Variants in PCNX1 observed in about 807,000 individuals in gnomAD.
The protein encoded by PCNX1 is pecanex-like protein 1.
A neutral mutation model predicts 242.2 loss-of-function variants in PCNX1; 78 were observed. That is an observed-to-expected ratio of 0.32 (90% CI 0.27 to 0.39). PCNX1 has a LOEUF of 0.39. PCNX1 is among the 10% of genes least tolerant of loss of function. The pLI is 1.00. For missense variants in PCNX1, 2,581 were observed against 2,856.5 expected (o/e 0.90, Z 2.20); for synonymous variants, 1,024 against 1,032.9 (o/e 0.99, Z 0.17).
At chr14:71,025,872 AAAAC>A (rs1163001006) in intron 13 of PCNX1, among the ~76,000 whole-genome samples, 1 of 152,200 alleles carries the variant, frequency 6.6e-6, no homozygotes, top group Non-Finnish European at 1.5e-5. Flanking sequence ...CTGTCTCAAA[AAAAC>A]AAACAAACAA....
intron 1 of PCNX1, among the ~76,000 whole-genome samples, chr14:70,910,027 T>C: frequency 8.4e-5 from 1 of 11,952 alleles, no homozygotes. Flanking sequence ...AGACGACGAC[T>C]CCTCCCTCCT....
intron 13 of PCNX1, among the ~76,000 whole-genome samples, chr14:71,024,332 G>A (rs1334447989): frequency 6.6e-6 from 1 of 152,038 alleles, no homozygotes; most frequent in Non-Finnish European, 1.5e-5. Context: ...TTTGCCCATT[G>A]TCTTCATTGG....
chr14:70,908,441 G>A (rs1315136761), intron 1 of PCNX1, among the ~76,000 whole-genome samples: 1 of 152,124 alleles, frequency 6.6e-6, no homozygotes, highest in Non-Finnish European at 1.5e-5. Flanking sequence ...CGCCCCCGCC[G>A]CGGCCCTCGT....
Position 71,045,148 on chromosome 14 carries a change from G to A in PCNX1, c.3883G>A (p.Val1295Met), listed in dbSNP as rs1372670851. The change falls in exon 20 of 36, where the codon GTG (valine) becomes ATG (methionine). Residue 1295 changes from valine to methionine, a missense_variant. Transcript: ENST00000304743. ...FTVLQPALKY[V>M]LYTLVGFVGF... is the part of the protein sequence containing the mutation. ...TTTTTTTTAGCCTGCCCTCAAGTAT[G>A]TGTTGTATACATTGGTTGGCTTTGT... 3 of 1,606,228 alleles carry A rather than the reference G, an allele frequency of 1.9e-6. No homozygotes were observed. The highest frequency in any genetic ancestry group is 1.7e-4 in the Middle Eastern group (1 of 6,018).
intron 6 of PCNX1, among the ~76,000 whole-genome samples, chr14:70,980,313 A>G (rs149533606): frequency 6.6e-6 from 1 of 151,736 alleles, no homozygotes; most frequent in Admixed American, 6.6e-5. Flanking sequence ...TTTAAGCTAT[A>G]TTAGCCCTTG....
At chr14:71,094,836 A>G (rs1406753799) in intron 30 of PCNX1, among the ~76,000 whole-genome samples, 1 of 152,130 alleles carries the variant, frequency 6.6e-6, no homozygotes, top group African/African-American at 2.4e-5. Flanking sequence ...GGAAGCTGAG[A>G]CGGGGGATCA....
rs766104535 is a variant in PCNX1, at chr14:70,995,926, G to T, written c.2629+1G>T. 1 of 1,610,388 alleles carries T rather than the reference G, an allele frequency of 6.2e-7. No homozygotes were observed. Among genetic ancestry groups the T allele is most frequent in the Admixed American group, 1.7e-5 (1 of 60,022 alleles). On this transcript the variant is annotated splice_donor_variant, in intron 8 of 35. Transcript: ENST00000304743. LOFTEE classifies it high-confidence loss of function. ...GGTAGCAGTTTGCACGATGAACTTG[G>T]TATGCAGGCCTTATGTAATCTTGAT...
chr14:70,987,817 A>C (rs1170139492), intron 6 of PCNX1, among the ~76,000 whole-genome samples: 2 of 152,220 alleles, frequency 1.3e-5, no homozygotes, highest in Admixed American at 6.5e-5. Flanking sequence ...TACAAACAAT[A>C]AAGTACAAAC....
chr14:70,945,115 T>G (rs1469226684), intron 1 of PCNX1, among the ~76,000 whole-genome samples: 1 of 152,086 alleles, frequency 6.6e-6, no homozygotes, highest in Non-Finnish European at 1.5e-5. Context: ...AATCAGGAGG[T>G]TGGTTCCCCT....
chr14:70,943,212 C>G (rs1355206379), intron 1 of PCNX1, among the ~76,000 whole-genome samples: 2 of 152,116 alleles, frequency 1.3e-5, no homozygotes, highest in Non-Finnish European at 2.9e-5. Context: ...GTGGAAGTGA[C>G]TTTGGAACTG....
intron 7 of PCNX1, among the ~76,000 whole-genome samples, chr14:70,990,201 T>C: frequency 6.6e-6 from 1 of 152,270 alleles, no homozygotes; most frequent in Middle Eastern, 3.4e-3. Context: ...TGTGCTGTGA[T>C]TCTGGGGGCT....
At chr14:71,052,116 G>T in intron 24 of PCNX1, 104 bp downstream of exon 24, 1 of 836,476 alleles carries the variant, frequency 1.2e-6, no homozygotes, top group East Asian at 3.0e-5. Context: ...TTATTGTGTT[G>T]AAATATTTAT....
intron 7 of PCNX1, among the ~76,000 whole-genome samples, chr14:70,993,160 G>C (rs1442082282): frequency 6.9e-6 from 1 of 144,792 alleles, no homozygotes; most frequent in Non-Finnish European, 1.5e-5. Context: ...TTGCTCTGTT[G>C]CCCAGGCTGG....
intron 26 of PCNX1, among the ~76,000 whole-genome samples, chr14:71,061,138 A>G (rs2061316234): frequency 6.6e-6 from 1 of 152,204 alleles, no homozygotes; most frequent in Non-Finnish European, 1.5e-5. Flanking sequence ...GGCCAAGTCA[A>G]TGCCAGGTTT....
At chr14:70,979,385 G>A (rs1182700098) in intron 6 of PCNX1, among the ~76,000 whole-genome samples, 2 of 152,028 alleles carry the variant, frequency 1.3e-5, no homozygotes, top group Admixed American at 1.3e-4. Flanking sequence ...AATTTGGATA[G>A]GTGATTTTAT....
rs567705318 is a variant in PCNX1, at chr14:71,107,192, C to T, written c.6302-1412C>T. 2.0e-4 allele frequency among the ~76,000 whole-genome samples: 30 copies of T among 152,004 alleles called. No homozygotes were observed. The South Asian group carries it at 5.4e-3, about 27-fold the overall frequency. The stretch of plus-strand genomic sequence containing the variant: ...CCCAACTGCCCCCCTGACTGCTTCA[C>T]GTGAATCAAATAAAGTTCTAAGACA... On this transcript the variant is annotated intron_variant, in intron 33 of 35. Coordinates refer to ENST00000304743, the MANE Select transcript of PCNX1 (RefSeq NM_014982.3).
rs1555357430 is a variant in PCNX1, at chr14:70,994,427, A to ATG, written c.2445-1313_2445-1312insGT. Among the ~76,000 whole-genome samples, 358 of 88,698 alleles carry ATG rather than the reference A, an allele frequency of 4.0e-3. 3 individuals carry two copies. Among genetic ancestry groups the ATG allele is most frequent in the African/African-American group, 0.014 (332 of 24,060 alleles). 58.2% of individuals were successfully genotyped at this position (88,698 alleles called of 152,430 possible). A position where few individuals can be genotyped will look rare whatever the true frequency, so the allele number is the denominator to read the frequency against. On this transcript the variant is annotated intron_variant, in intron 7 of 35. Transcript: ENST00000304743. ...TATATATATATATATATATATATAT[A>ATG]TATGTATGTATGTATGTTTCAACAT...
intron 26 of PCNX1, among the ~76,000 whole-genome samples, chr14:71,065,077 A>G (rs530714275): frequency 1.3e-5 from 2 of 152,348 alleles, no homozygotes; most frequent in South Asian, 4.1e-4. Context: ...CACAATAAAC[A>G]TACATGTGCA....
At chr14:71,012,186 A>G (rs1325593142) in intron 10 of PCNX1, 1 of 153,188 alleles carries the variant, frequency 6.5e-6, no homozygotes, top group Non-Finnish European at 1.5e-5. Context: ...ATTTGGAAAT[A>G]TAGTAACAAC....
Sources: gnomAD v4.1 joint callset for allele counts (sites outside exome capture counted in the v4.1 genomes callset) on GRCh38, gnomAD v4.1.1 for gene constraint, MANE v1.5 for transcripts, NCBI Gene and HGNC (gene_info 2026-07-23, HGNC 2026-07-21) for gene names.